Variants in PRR3 observed in about 807,000 individuals in gnomAD.
PRR3 encodes the protein proline rich 3.
In PRR3, 16 loss-of-function variants were observed where a neutral mutation model predicts 22.4. The ratio of observed to expected loss-of-function variants is 0.71; its 90% CI spans 0.48 to 1.09. The LOEUF (loss-of-function observed/expected upper bound fraction) is 1.09, where lower values mean the gene tolerates loss of function less well. Ranked by LOEUF, PRR3 falls within the 50% of genes least tolerant of loss-of-function variation. The pLI is 0.00. For synonymous variants in PRR3, 87 were observed against 88.6 expected, an observed-to-expected ratio of 0.98 and a Z score of 0.10; for missense variants, 224 against 243.4, an observed-to-expected ratio of 0.92 and a Z score of 0.53.
chr6:30,557,748 T>G (rs1271686926), intron 1 of PRR3, among the ~76,000 whole-genome samples: 1 of 152,192 alleles, frequency 6.6e-6, no homozygotes, highest in Non-Finnish European at 1.5e-5. Flanking sequence ...TGTTGCAGAT[T>G]GCGATGACTG....
chr6:30,562,371 A>C lies in PRR3; in HGVS notation c.461-18A>C. The C allele has an allele frequency of 6.3e-7, 1 of 1,594,424 alleles. No homozygotes were observed. Among genetic ancestry groups the C allele is most frequent in the Non-Finnish European group, 8.6e-7 (1 of 1,163,848 alleles). On this transcript the variant is annotated intron_variant, in intron 3 of 3. Transcript: ENST00000376560. ...TGTTGCTCAAATTTTTAACTGTTCC[A>C]TTTTCACTTGTTCACAGACAAATCC... is the stretch of plus-strand genomic sequence containing the variant.
chr6:30,561,238 A>G lies in PRR3; in HGVS notation c.170-596A>G. On this transcript the variant is annotated intron_variant, in intron 2 of 3. Transcript: ENST00000376560. This position sits in a 1 kb window ranked among gnomAD's most constrained non-coding sequence, Gnocchi z 4.0. ...ATAACATATACTTTATAAGCCAGTA[A>G]TACCTCTACTACGTATATATTCAAC... is the stretch of plus-strand genomic sequence containing the variant. 2.6e-6 allele frequency: 1 copy of G among 390,956 alleles called. No individual in the cohort carries two copies. The highest frequency in any genetic ancestry group is 3.2e-5 in the Admixed American group (1 of 31,216). The allele number at this position is 390,956 out of a possible 1,614,324, so 24.2% of individuals were successfully genotyped here. A position where few individuals can be genotyped will look rare whatever the true frequency, so the allele number is the denominator to read the frequency against.
At chr6:30,557,293 G>C (rs1231900833), upstream of PRR3, 14 of 1,389,760 alleles carry the variant, frequency 1.0e-5, no homozygotes, top group East Asian at 3.3e-4. Context: ...ATCCCCGCGT[G>C]CCCCTTCCTC....
Position 30,563,595 on chromosome 6 carries a change from A to G in PRR3, c.*1100A>G, listed in dbSNP as rs1800788142. The G allele has an allele frequency of 6.6e-6, 1 of 151,994 alleles. No homozygotes were observed. Among genetic ancestry groups the G allele is most frequent in the African/African-American group, 2.4e-5 (1 of 41,248 alleles). The allele number at this position is 151,994 out of a possible 1,614,324, so 9.4% of individuals were successfully genotyped here. A position where few individuals can be genotyped will look rare whatever the true frequency, so the allele number is the denominator to read the frequency against. ...TGAACTGGCCCTGAGGAAATGGGTC[A>G]GGAGTTGTATTGGCAAGAGGGAGGG... On this transcript the variant is annotated 3_prime_UTR_variant, in exon 4 of 4. Coordinates refer to ENST00000376560, the MANE Select transcript of PRR3 (RefSeq NM_025263.4).
rs1562724543 is a variant in PRR3, at chr6:30,558,218, GA to G, written c.169+7del. 8 of 1,612,534 alleles carry G rather than the reference GA, an allele frequency of 5.0e-6. No homozygotes were observed. Among genetic ancestry groups the G allele is most frequent in the Non-Finnish European group, 6.8e-6 (8 of 1,179,556 alleles). Reference sequence around the variant, plus strand: ...ACCTGGCGACCCTAAGTCAGGTGAGGAGGAAGGGGCCCTGATCCTTGTATTA... The same window carrying G: ...ACCTGGCGACCCTAAGTCAGGTGAGGGGAAGGGGCCCTGATCCTTGTATTA... On this transcript the variant is annotated splice_region_variant and intron_variant, in intron 2 of 3. Transcript: ENST00000376560.
intron 2 of PRR3, chr6:30,560,807 T>A (rs922200905): frequency 6.6e-6 from 1 of 152,488 alleles, no homozygotes; most frequent in African/African-American, 2.4e-5. Context: ...AACTTGGAGA[T>A]CTGTTTCACA....
In PRR3 at chr6:30,562,251, A is replaced by G. The variant is rs1800690898; in HGVS notation, c.460+127A>G. The G allele has an allele frequency of 8.2e-6, 10 of 1,225,042 alleles. No individual in the cohort carries two copies. The South Asian group carries it at 1.2e-4, about 14-fold the overall frequency. The allele number at this position is 1,225,042 out of a possible 1,614,324, so 75.9% of individuals were successfully genotyped here. On this transcript the variant is annotated intron_variant, in intron 3 of 3. Transcript: ENST00000376560. ...AGTAGACCTCAATGTTATTTCTCCC[A>G]GGAGAAAGACTACCATTCCAAAATA...
Position 30,558,243 on chromosome 6 carries a change from T to G in PRR3, c.169+31T>G, listed in dbSNP as rs769467883. On this transcript the variant is annotated intron_variant, in intron 2 of 3. Transcript: ENST00000376560. ...GAGGAAGGGGCCCTGATCCTTGTAT[T>G]AGGTCGTAGAGAAGACAGCAAGGGA... The G allele has an allele frequency of 2.5e-6, 4 of 1,592,384 alleles. No homozygotes were observed. The South Asian group carries it at 4.4e-5, about 18-fold the overall frequency.
At chr6:30,558,456 C>T (rs1800405249) in intron 2 of PRR3, 1 of 534,726 alleles carries the variant, frequency 1.9e-6, no homozygotes, top group South Asian at 2.6e-5. Context: ...TGGAAATACA[C>T]ATTATTATAG....
At position 30,563,332 on chromosome 6, in the gene PRR3, C is replaced by T. The variant is rs1402427990; in HGVS notation, c.*837C>T. ...GGTTATTCTGAGTCTGACACAGACCCATGACATGTCTTATAAAGCCTCCAA... is the reference window on the plus strand; with the variant it reads ...GGTTATTCTGAGTCTGACACAGACCTATGACATGTCTTATAAAGCCTCCAA... On this transcript the variant is annotated 3_prime_UTR_variant, in exon 4 of 4. Coordinates refer to ENST00000376560, the MANE Select transcript of PRR3 (RefSeq NM_025263.4). The T allele has an allele frequency of 6.6e-6, 1 of 152,614 alleles. No individual in the cohort carries two copies. Among genetic ancestry groups the T allele is most frequent in the Non-Finnish European group, 1.5e-5 (1 of 68,042 alleles). The allele number at this position is 152,614 out of a possible 1,614,324, so 9.5% of individuals were successfully genotyped here.
In PRR3 at chr6:30,563,106, G is replaced by A. The variant is rs1252740231; in HGVS notation, c.*611G>A. ...CCGCTATGGTCTATCTATGATCACC[G>A]TGCTTTGTGAAACTGTGCATCCCCT... On this transcript the variant is annotated 3_prime_UTR_variant, in exon 4 of 4. Transcript: ENST00000376560. 2.6e-5 allele frequency: 4 copies of A among 152,588 alleles called. No homozygotes were observed. The highest frequency in any genetic ancestry group is 7.2e-5 in the African/African-American group (3 of 41,410). 9.5% of individuals were successfully genotyped at this position (152,588 alleles called of 1,614,324 possible).
Position 30,561,097 on chromosome 6 carries a change from T to A in PRR3, c.170-737T>A. On this transcript the variant is annotated intron_variant, in intron 2 of 3. Transcript: ENST00000376560. This position sits in a 1 kb window ranked among gnomAD's most constrained non-coding sequence, Gnocchi z 4.0. ...ACTTTTCACACTCACCATGGCAAAA[T>A]TTAAAAACCTAACAATTCCAAGTGT... 2 of 234,342 alleles carry A rather than the reference T, an allele frequency of 8.5e-6. No homozygotes were observed. The highest frequency in any genetic ancestry group is 8.5e-6 in the Non-Finnish European group (1 of 117,400). The allele number at this position is 234,342 out of a possible 1,614,324, so 14.5% of individuals were successfully genotyped here.
chr6:30,561,050 A>G lies in PRR3; in HGVS notation c.170-784A>G. On this transcript the variant is annotated intron_variant, in intron 2 of 3. Coordinates refer to ENST00000376560, the MANE Select transcript of PRR3 (RefSeq NM_025263.4). The surrounding 1 kb of genome is among the most constrained non-coding windows in gnomAD (Gnocchi z 4.0). The stretch of plus-strand genomic sequence containing the variant: ...ATCTCTCATTAAATAAATAATAATA[A>G]CCAAACAAAAAAATAACCACCACTT... 4.2e-6 allele frequency: 1 copy of G among 236,326 alleles called. No homozygotes were observed. Among genetic ancestry groups the G allele is most frequent in the Non-Finnish European group, 8.4e-6 (1 of 119,488 alleles). 14.6% of individuals were successfully genotyped at this position (236,326 alleles called of 1,614,324 possible).
At chr6:30,559,101 G>A (rs1800452165) in intron 2 of PRR3, among the ~76,000 whole-genome samples, 1 of 152,228 alleles carries the variant, frequency 6.6e-6, no homozygotes, top group Non-Finnish European at 1.5e-5. Flanking sequence ...TTTGCGGCTG[G>A]GTACAGTGGC....
Position 30,563,650 on chromosome 6 carries a change from GTT to G in PRR3, c.*1170_*1171del, listed in dbSNP as rs57902791. 2.3e-3 allele frequency: 324 copies of G among 139,118 alleles called. 3 individuals carry two copies. Among genetic ancestry groups the G allele is most frequent in the Non-Finnish European group, 1.3e-3 (81 of 63,170 alleles). The allele number at this position is 139,118 out of a possible 1,614,324, so 8.6% of individuals were successfully genotyped here. On this transcript the variant is annotated 3_prime_UTR_variant, in exon 4 of 4. Coordinates refer to ENST00000376560, the MANE Select transcript of PRR3 (RefSeq NM_025263.4). ...GAGCTGTTGGAGAACTGAGAATGAGGTTTTTTTTTTTTTTTTCTTTTTAACTT... is the reference window on the plus strand; with the variant it reads ...GAGCTGTTGGAGAACTGAGAATGAGGTTTTTTTTTTTTTTCTTTTTAACTT...
upstream of PRR3, chr6:30,556,940 C>T (rs1335359329): frequency 1.6e-6 from 1 of 619,920 alleles, no homozygotes; most frequent in Admixed American, 2.7e-5. The surrounding 1 kb of genome is among the most constrained non-coding windows in gnomAD (Gnocchi z 5.7). Context: ...GAAGTTGTGC[C>T]TGCAGCTGTT....
chr6:30,561,273 T>C lies in PRR3; in HGVS notation c.170-561T>C. The C allele has an allele frequency of 4.5e-6, 2 of 446,522 alleles. No homozygotes were observed. Among genetic ancestry groups the C allele is most frequent in the South Asian group, 3.2e-5 (2 of 62,360 alleles). 27.7% of individuals were successfully genotyped at this position (446,522 alleles called of 1,614,324 possible). On this transcript the variant is annotated intron_variant, in intron 2 of 3. Transcript: ENST00000376560. The surrounding 1 kb of genome is among the most constrained non-coding windows in gnomAD (Gnocchi z 4.0). ...TACGTATATATTCAACAGAAATGCATACGTATGTGTAACAACATGTATAAA... is the reference window on the plus strand; with the variant it reads ...TACGTATATATTCAACAGAAATGCACACGTATGTGTAACAACATGTATAAA...
At position 30,562,428 on chromosome 6, in the gene PRR3, A is replaced by G; in HGVS notation, c.500A>G (p.Lys167Arg). ...CCTGTCTGCCGACATTTTGCCAAAA[A>G]GGGCCACTGTCGATATGAGGACCTC... ...DRPVCRHFAK[K>R]GHCRYEDLCA... The change falls in exon 4 of 4, where the codon AAG becomes AGG. Residue 167 changes from lysine (K) to arginine (R), a missense_variant. Lys to Arg is a conservative substitution (Grantham distance 26). Transcript: ENST00000376560. The G allele has an allele frequency of 6.2e-7, 1 of 1,614,168 alleles. No homozygotes were observed. The highest frequency in any genetic ancestry group is 8.5e-7 in the Non-Finnish European group (1 of 1,179,984).
intron 1 of PRR3, among the ~76,000 whole-genome samples, chr6:30,557,819 AG>A: frequency 6.6e-6 from 1 of 152,342 alleles, no homozygotes; most frequent in East Asian, 1.9e-4. Context: ...TCTCTAAACT[AG>A]TCCTCTGGCC....
Sources: allele counts gnomAD v4.1 joint callset (sites outside exome capture counted in the v4.1 genomes callset), GRCh38; gene constraint gnomAD v4.1.1; non-coding constraint Gnocchi (gnomAD v3.1); transcripts MANE v1.5; gene names NCBI Gene and HGNC (gene_info 2026-07-23, HGNC 2026-07-21).